The following KCNK10 variants were observed in gnomAD, a reference collection of about 807,000 sequenced individuals.
KCNK10 encodes the protein potassium two pore domain channel subfamily K member 10, also known as potassium channel subfamily K member 10.
KCNK10 carries 25 observed loss-of-function variants against 47.7 expected under a neutral mutation model. The observed-to-expected ratio is 0.52, with a 90% CI of 0.38 to 0.73. The LOEUF is 0.73. KCNK10 is among the 30% of genes least tolerant of loss of function. The pLI is 0.00. For synonymous variants in KCNK10, 303 were observed against 285.6 expected, an observed-to-expected ratio of 1.06 and a Z score of -0.61; for missense variants, 563 against 714.5, an observed-to-expected ratio of 0.79 and a Z score of 2.42.
At chr14:88,232,706 T>TA (rs2139879390) in intron 3 of KCNK10, among the ~76,000 whole-genome samples, 1 of 152,326 alleles carries the variant, frequency 6.6e-6, no homozygotes, top group African/African-American at 2.4e-5. Flanking sequence ...ACAAGGACCC[T>TA]ATCTCTAGTG....
chr14:88,262,035 G>A (rs1887126537), intron 2 of KCNK10, among the ~76,000 whole-genome samples: 1 of 152,264 alleles, frequency 6.6e-6, no homozygotes, highest in Non-Finnish European at 1.5e-5. Flanking sequence ...CTACTCTATT[G>A]GTATGGTAAG....
At chr14:88,225,278 T>C (rs1012141822) in intron 4 of KCNK10, among the ~76,000 whole-genome samples, 1 of 152,214 alleles carries the variant, frequency 6.6e-6, no homozygotes, top group Non-Finnish European at 1.5e-5. Context: ...AATAGCACCC[T>C]CCAATACTCA....
intron 2 of KCNK10, among the ~76,000 whole-genome samples, chr14:88,243,013 C>T (rs919429814): frequency 6.6e-6 from 1 of 152,194 alleles, no homozygotes; most frequent in Non-Finnish European, 1.5e-5. Context: ...GCAAACCCAG[C>T]ACTGCAAACA....
At chr14:88,274,239 A>T (rs1887476110) in intron 1 of KCNK10, among the ~76,000 whole-genome samples, 1 of 150,844 alleles carries the variant, frequency 6.6e-6, no homozygotes, top group Admixed American at 6.6e-5. Context: ...TTCCCAGCAA[A>T]CTCCTTCAGT....
chr14:88,300,701 C>A (rs932472746), intron 1 of KCNK10, among the ~76,000 whole-genome samples: 3 of 152,092 alleles, frequency 2.0e-5, no homozygotes, highest in Admixed American at 2.0e-4. Context: ...AAGAATGCAT[C>A]TTTAGGGTAT....
chr14:88,192,218 G>T lies in KCNK10; in HGVS notation c.868+6C>A. 1 of 1,611,240 alleles carries T rather than the reference G, an allele frequency of 6.2e-7. No individual in the cohort carries two copies. ...CCCCAGTGCCTGGCCTGCCCAGGGT[G>T]CTTACCTGCCACAAAATCACCAAAG... On this transcript the variant is annotated splice_donor_region_variant and intron_variant, in intron 5 of 6. Transcript: ENST00000319231.
chr14:88,252,834 C>T (rs1886838026), intron 2 of KCNK10, among the ~76,000 whole-genome samples: 1 of 152,154 alleles, frequency 6.6e-6, no homozygotes, highest in South Asian at 2.1e-4. Flanking sequence ...AGGAAGAGGA[C>T]AGGAGAGAGA....
chr14:88,195,457 T>G (rs1884881067), intron 4 of KCNK10, among the ~76,000 whole-genome samples: 1 of 152,222 alleles, frequency 6.6e-6, no homozygotes, highest in Admixed American at 6.5e-5. Context: ...GTCCCAGATT[T>G]AATGCTTCTC....
intron 1 of KCNK10, among the ~76,000 whole-genome samples, chr14:88,301,473 T>A (rs755214486): frequency 5.9e-5 from 9 of 152,100 alleles, no homozygotes; most frequent in Non-Finnish European, 1.0e-4. Flanking sequence ...CAAATAGAAC[T>A]TTTTTTCAAA....
At chr14:88,319,575 G>A (rs1415120249) in intron 1 of KCNK10, among the ~76,000 whole-genome samples, 2 of 152,210 alleles carry the variant, frequency 1.3e-5, no homozygotes, top group African/African-American at 4.8e-5. Flanking sequence ...TGTCTGAATA[G>A]GTTAGTAGAG....
At chr14:88,267,358 C>CTTTTCT (rs1228669512) in intron 1 of KCNK10, among the ~76,000 whole-genome samples, 4 of 151,576 alleles carry the variant, frequency 2.6e-5, no homozygotes, top group Non-Finnish European at 5.9e-5. Flanking sequence ...TGGATAAATT[C>CTTTTCT]TTTTCTTTTT....
At chr14:88,304,589 C>T (rs1888169575) in intron 1 of KCNK10, among the ~76,000 whole-genome samples, 2 of 152,186 alleles carry the variant, frequency 1.3e-5, no homozygotes, top group African/African-American at 2.4e-5. Context: ...CCTTCTTGTT[C>T]GAGCGCTCAT....
At chr14:88,242,303 T>C (rs1182980251) in intron 2 of KCNK10, among the ~76,000 whole-genome samples, 1 of 152,214 alleles carries the variant, frequency 6.6e-6, no homozygotes, top group African/African-American at 2.4e-5. Flanking sequence ...ACTTTTTCCA[T>C]AAAGGGTCAG....
At chr14:88,191,515 T>A (rs1477497473) in intron 5 of KCNK10, among the ~76,000 whole-genome samples, 1 of 152,196 alleles carries the variant, frequency 6.6e-6, no homozygotes, top group Non-Finnish European at 1.5e-5. Context: ...ATCCGTACCT[T>A]TCTACCACAC....
chr14:88,248,676 C>T lies in KCNK10; in HGVS notation c.403-7856G>A, dbSNP rs1004702756. On this transcript the variant is annotated intron_variant, in intron 2 of 6. Coordinates refer to ENST00000319231, the MANE Select transcript of KCNK10 (RefSeq NM_138317.3). Reference sequence around the variant, plus strand: ...CCCAGGAAGCAGAGGCTGCAGTAAGCCATGATCGTGCTACTTTACTCCAGC... The same window carrying T: ...CCCAGGAAGCAGAGGCTGCAGTAAGTCATGATCGTGCTACTTTACTCCAGC... Among the ~76,000 whole-genome samples, 22 of 151,968 alleles carry T rather than the reference C, an allele frequency of 1.4e-4. 1 individual carries two copies. Among genetic ancestry groups the T allele is most frequent in the Non-Finnish European group, 2.9e-5 (2 of 68,012 alleles).
chr14:88,189,934 C>T (rs1275465844), intron 5 of KCNK10, among the ~76,000 whole-genome samples: 1 of 152,198 alleles, frequency 6.6e-6, no homozygotes, highest in Non-Finnish European at 1.5e-5. Flanking sequence ...GGCCTAACTG[C>T]AGTCAGCACT....
At chr14:88,326,662 C>T (rs2139813373), upstream of KCNK10, 1 of 581,860 alleles carries the variant, frequency 1.7e-6, no homozygotes, top group Non-Finnish European at 3.0e-6. Flanking sequence ...GTCCTGGGTG[C>T]ACTCGGTGGC....
Position 88,263,466 on chromosome 14 carries a change from C to A in KCNK10, c.138G>T (p.Pro46=). The change falls in exon 2 of 7, where the codon CCG becomes CCT. Residue 46 remains proline, a synonymous_variant. Coordinates refer to ENST00000319231, the MANE Select transcript of KCNK10 (RefSeq NM_138317.3). ...QPPAPAPTPT[P]RLSISSRATV... ...TGGCTCGGGAGGAAATGGACAGGCG[C>A]GGAGTTGGAGTCGGAGCCGGAGCCG... 6.2e-7 allele frequency: 1 copy of A among 1,614,056 alleles called. No homozygotes were observed. The highest frequency in any genetic ancestry group is 8.5e-7 in the Non-Finnish European group (1 of 1,180,034).
intron 1 of KCNK10, among the ~76,000 whole-genome samples, chr14:88,265,199 C>T (rs1376669679): frequency 3.3e-5 from 5 of 152,144 alleles, no homozygotes; most frequent in Non-Finnish European, 7.4e-5. Flanking sequence ...TCCTAATCCC[C>T]AAGACATATA....
Sources: gnomAD v4.1 joint callset for allele counts (sites outside exome capture counted in the v4.1 genomes callset) on GRCh38, gnomAD v4.1.1 for gene constraint, MANE v1.5 for transcripts, NCBI Gene and HGNC (gene_info 2026-07-23, HGNC 2026-07-21) for gene names.